Variants in NDST4 observed in about 807,000 individuals in gnomAD.
NDST4 encodes N-heparan sulfate sulfotransferase 4.
In NDST4, 63 loss-of-function variants were observed where a neutral mutation model predicts 100.8. That is an observed-to-expected ratio of 0.62 (90% CI 0.51 to 0.77). NDST4 has a LOEUF of 0.77. Among genes scored for constraint, NDST4 ranks in the 30% least tolerant of loss-of-function variants. NDST4 has a pLI of 0.00. For missense variants in NDST4, 943 were observed against 1,018.4 expected (o/e 0.93, Z 1.01); for synonymous variants, 377 against 361.8 (o/e 1.04, Z -0.48).
intron 2 of NDST4, among the ~76,000 whole-genome samples, chr4:115,041,556 T>C (rs1375550269): frequency 6.6e-6 from 1 of 152,084 alleles, no homozygotes; most frequent in Non-Finnish European, 1.5e-5. Flanking sequence ...TGATATTCTC[T>C]GAGAAGGATT....
chr4:114,975,834 G>C (rs1726621161), intron 3 of NDST4, among the ~76,000 whole-genome samples: 2 of 152,054 alleles, frequency 1.3e-5, no homozygotes. Context: ...TTCATAGTCA[G>C]AGCTTCTTTG....
intron 13 of NDST4, 52 bp downstream of exon 13, chr4:114,829,738 G>T: frequency 7.4e-7 from 1 of 1,345,586 alleles, no homozygotes; most frequent in African/African-American, 1.5e-5. Context: ...TTTTGAAATA[G>T]CTGTTTGCAA....
intron 4 of NDST4, among the ~76,000 whole-genome samples, chr4:114,947,044 C>A (rs138118081): frequency 1.3e-5 from 2 of 150,974 alleles, no homozygotes; most frequent in Non-Finnish European, 2.9e-5. Flanking sequence ...ATAATTTGTG[C>A]GGTAGTTTGA....
In NDST4 at chr4:115,096,276, A is replaced by G. The variant is rs572971452; in HGVS notation, c.-247+17168T>C. ...TACACTTGCAATTCTGATAATGGAT[A>G]GAACATTACTCAACTGACTTAAATT... On this transcript the variant is annotated intron_variant, in intron 1 of 13. Coordinates refer to ENST00000264363, the MANE Select transcript of NDST4 (RefSeq NM_022569.3). 2.6e-5 allele frequency among the ~76,000 whole-genome samples: 4 copies of G among 151,176 alleles called. No individual in the cohort carries two copies. In the East Asian group the frequency reaches 7.8e-4, roughly 29 times the overall value.
chr4:115,099,972 T>C (rs565395176), intron 1 of NDST4, among the ~76,000 whole-genome samples: 1 of 152,234 alleles, frequency 6.6e-6, no homozygotes, highest in South Asian at 2.1e-4. Context: ...TGAAATATCA[T>C]TCAGCTCTAA....
At chr4:114,829,700 A>G in intron 13 of NDST4, 90 bp downstream of exon 13, 1 of 852,088 alleles carries the variant, frequency 1.2e-6, no homozygotes, top group Non-Finnish European at 1.8e-6. Context: ...GGAAGAGCAG[A>G]AAAAGGAAGC....
chr4:114,844,417 A>AT, intron 10 of NDST4, among the ~76,000 whole-genome samples: 1 of 152,258 alleles, frequency 6.6e-6, no homozygotes, highest in East Asian at 1.9e-4. Flanking sequence ...TCTACCTAGG[A>AT]TTTTCCCACT....
intron 2 of NDST4, among the ~76,000 whole-genome samples, chr4:115,013,370 T>TATATATATATATATATATATATAA (rs74678897): frequency 1.4e-5 from 1 of 71,468 alleles, no homozygotes; most frequent in Admixed American, 1.7e-4. Flanking sequence ...TATATATATA[T>TATATATATATATATATATATATAA]ACACACACAT....
chr4:115,013,346 C>CAA (rs1727597910), intron 2 of NDST4, among the ~76,000 whole-genome samples: 1 of 65,350 alleles, frequency 1.5e-5, no homozygotes, highest in Non-Finnish European at 3.2e-5. Flanking sequence ...ATATAAATAC[C>CAA]ATATATATAT....
chr4:114,969,619 A>C (rs1236190710), intron 4 of NDST4, among the ~76,000 whole-genome samples: 1 of 152,152 alleles, frequency 6.6e-6, no homozygotes, highest in African/African-American at 2.4e-5. Flanking sequence ...CTCTAGCCCC[A>C]TCCATGTTGC....
intron 1 of NDST4, among the ~76,000 whole-genome samples, chr4:115,077,887 G>A (rs1030005952): frequency 2.0e-5 from 3 of 152,126 alleles, no homozygotes; most frequent in African/African-American, 7.2e-5. Context: ...GCAGGAACAG[G>A]CATTCTCAGA....
intron 6 of NDST4, among the ~76,000 whole-genome samples, chr4:114,926,409 G>T (rs1256805231): frequency 1.3e-5 from 2 of 152,114 alleles, no homozygotes; most frequent in Non-Finnish European, 2.9e-5. Context: ...ATAGCAACAG[G>T]AGTTCATATG....
chr4:115,013,368 T>TAC (rs1727600897), intron 2 of NDST4, among the ~76,000 whole-genome samples: 1 of 115,804 alleles, frequency 8.6e-6, no homozygotes, highest in Admixed American at 9.6e-5. Flanking sequence ...TATATATATA[T>TAC]ATACACACAC....
At chr4:114,856,449 A>G (rs1006198094) in intron 7 of NDST4, among the ~76,000 whole-genome samples, 2 of 152,150 alleles carry the variant, frequency 1.3e-5, no homozygotes, top group African/African-American at 4.8e-5. Context: ...TTCCATTAAG[A>G]ATGTTTTTCT....
chr4:115,032,375 A>G (rs914798627), intron 2 of NDST4, among the ~76,000 whole-genome samples: 13 of 152,032 alleles, frequency 8.6e-5, no homozygotes, highest in Admixed American at 7.2e-4. Flanking sequence ...ACTAATCTCC[A>G]TTTTTGTTTA....
chr4:115,012,969 C>T (rs1027464977), intron 2 of NDST4, among the ~76,000 whole-genome samples: 2 of 150,502 alleles, frequency 1.3e-5, no homozygotes, highest in Non-Finnish European at 3.0e-5. Context: ...GCAAACTTCG[C>T]ATGTTCTCAT....
At chr4:114,979,746 T>C (rs1726723304) in intron 2 of NDST4, among the ~76,000 whole-genome samples, 1 of 151,590 alleles carries the variant, frequency 6.6e-6, no homozygotes, top group Non-Finnish European at 1.5e-5. Context: ...ACAGACCTTT[T>C]CATTGTTGAA....
At chr4:115,060,164 A>G (rs1728787486) in intron 2 of NDST4, among the ~76,000 whole-genome samples, 1 of 152,016 alleles carries the variant, frequency 6.6e-6, no homozygotes, top group African/African-American at 2.4e-5. Flanking sequence ...TAAGTGCTAT[A>G]TGGATGCCAA....
chr4:114,922,466 G>C (rs1277851083), intron 6 of NDST4, among the ~76,000 whole-genome samples: 1 of 152,182 alleles, frequency 6.6e-6, no homozygotes, highest in African/African-American at 2.4e-5. Flanking sequence ...GCATGTCAAT[G>C]TATAAGATCC....
Sources: gnomAD v4.1 joint callset for allele counts (sites outside exome capture counted in the v4.1 genomes callset) on GRCh38, gnomAD v4.1.1 for gene constraint, MANE v1.5 for transcripts, NCBI Gene and HGNC (gene_info 2026-07-23, HGNC 2026-07-21) for gene names.